Variants in SNTG1 observed in about 807,000 individuals in gnomAD.
The protein encoded by SNTG1 is syntrophin gamma 1, also known as gamma-1-syntrophin.
SNTG1 carries 39 observed loss-of-function variants against 74.7 expected under a neutral mutation model. The observed-to-expected ratio is 0.52, with a 90% CI of 0.40 to 0.68. The LOEUF (loss-of-function observed/expected upper bound fraction) is 0.68. SNTG1 is among the 30% of genes least tolerant of loss of function. The pLI is 0.00. For missense variants in SNTG1, 685 were observed against 609.5 expected, an observed-to-expected ratio of 1.12 and a Z score of -1.30; for synonymous variants, 254 against 217.1, an observed-to-expected ratio of 1.17 and a Z score of -1.49.
At chr8:50,732,178 T>C (rs1032559288) in intron 17 of SNTG1, among the ~76,000 whole-genome samples, 3 of 152,008 alleles carry the variant, frequency 2.0e-5, no homozygotes, top group Admixed American at 2.0e-4. Flanking sequence ...AAAGTACATC[T>C]AGTTGAAATA....
At chr8:49,958,711 G>T (rs141055728) in intron 1 of SNTG1, among the ~76,000 whole-genome samples, 2 of 152,174 alleles carry the variant, frequency 1.3e-5, no homozygotes, top group South Asian at 4.1e-4. Flanking sequence ...GAGCCACTAC[G>T]CCCAGCCAAC....
intron 2 of SNTG1, among the ~76,000 whole-genome samples, chr8:50,384,160 G>C (rs1261438525): frequency 6.6e-6 from 1 of 152,118 alleles, no homozygotes; most frequent in African/African-American, 2.4e-5. Flanking sequence ...CTTTGACTCA[G>C]CCCTGCAAGA....
chr8:50,637,151 A>G (rs1196394208), intron 13 of SNTG1, among the ~76,000 whole-genome samples: 2 of 152,188 alleles, frequency 1.3e-5, no homozygotes, highest in Non-Finnish European at 2.9e-5. Flanking sequence ...GACATGTAGT[A>G]CCTTTGTTTA....
At chr8:50,221,952 C>A (rs2085091675) in intron 2 of SNTG1, among the ~76,000 whole-genome samples, 1 of 152,040 alleles carries the variant, frequency 6.6e-6, no homozygotes, top group African/African-American at 2.4e-5. Context: ...TAGGGTTTTT[C>A]AAAGATAGTT....
Position 50,708,876 on chromosome 8 carries a change from T to C in SNTG1, c.1192-10T>C, listed in dbSNP as rs1035289286. On this transcript the variant is annotated splice_polypyrimidine_tract_variant and intron_variant, in intron 16 of 18. Coordinates refer to ENST00000642720, the MANE Select transcript of SNTG1 (RefSeq NM_018967.5). ...ACATGAAAAGTAACAATACTTTCTG[T>C]TCTACCTAGTGCAAGACCTATGCAT... is the stretch of plus-strand genomic sequence containing the variant. 5 of 1,593,146 alleles carry C rather than the reference T, an allele frequency of 3.1e-6. No homozygotes were observed. Among genetic ancestry groups the C allele is most frequent in the Middle Eastern group, 3.3e-4 (2 of 6,024 alleles).
intron 13 of SNTG1, among the ~76,000 whole-genome samples, chr8:50,641,516 G>A (rs1237793801): frequency 6.6e-6 from 1 of 152,100 alleles, no homozygotes; most frequent in African/African-American, 2.4e-5. Context: ...AACACTTTCT[G>A]TGCTTTCATT....
At chr8:50,016,250 G>A (rs1816302910) in intron 1 of SNTG1, among the ~76,000 whole-genome samples, 1 of 152,058 alleles carries the variant, frequency 6.6e-6, no homozygotes, top group African/African-American at 2.4e-5. Context: ...TTCATCACAT[G>A]TCACAATCTG....
chr8:50,550,693 G>GTGTGTGTGTGTATATATATA (rs1554571332), intron 11 of SNTG1, among the ~76,000 whole-genome samples: 1 of 149,028 alleles, frequency 6.7e-6, no homozygotes, highest in African/African-American at 2.5e-5. Context: ...TAGTGTGTGT[G>GTGTGTGTGTGTATATATATA]TATATATATA....
At chr8:49,951,208 C>T (rs1009950817) in intron 1 of SNTG1, among the ~76,000 whole-genome samples, 6 of 152,034 alleles carry the variant, frequency 3.9e-5, no homozygotes, top group African/African-American at 9.7e-5. Flanking sequence ...TACTCTTATG[C>T]TACGGAAAAT....
chr8:50,304,146 A>G (rs1188048123), intron 2 of SNTG1, among the ~76,000 whole-genome samples: 1 of 152,178 alleles, frequency 6.6e-6, no homozygotes, highest in African/African-American at 2.4e-5. Flanking sequence ...GATTGATGTC[A>G]TTATCATGGG....
Position 50,553,103 on chromosome 8 carries a change from A to T in SNTG1, c.734A>T (p.Gln245Leu). Residue 245 changes from glutamine to leucine, a missense_variant, in exon 12 of 19, where the codon CAG (glutamine) becomes CTG (leucine). Coordinates refer to ENST00000642720, the MANE Select transcript of SNTG1 (RefSeq NM_018967.5). ...GATGGGGTCTGCACTGGGATTATTC[A>T]GTGCCTCTCTGCTGAAGACTGCGTT... ...AVDGVCTGII[Q>L]CLSAEDCVDW... 6.2e-7 allele frequency: 1 copy of T among 1,613,988 alleles called. No homozygotes were observed. Among genetic ancestry groups the T allele is most frequent in the Non-Finnish European group, 8.5e-7 (1 of 1,179,896 alleles).
chr8:50,500,242 T>G (rs1392969370), intron 8 of SNTG1, among the ~76,000 whole-genome samples: 2 of 151,522 alleles, frequency 1.3e-5, no homozygotes, highest in Non-Finnish European at 2.9e-5. Flanking sequence ...TTTTTTTTTT[T>G]GGTCTATATA....
chr8:50,775,057 G>C (rs954648724), intron 18 of SNTG1, among the ~76,000 whole-genome samples: 14 of 150,830 alleles, frequency 9.3e-5, no homozygotes, highest in Admixed American at 6.6e-5. Context: ...AATAAAAACA[G>C]TAATGGAAAA....
At chr8:50,465,928 C>T (rs1301422626) in intron 8 of SNTG1, among the ~76,000 whole-genome samples, 1 of 152,066 alleles carries the variant, frequency 6.6e-6, no homozygotes, top group Non-Finnish European at 1.5e-5. Context: ...TATGTGTGGA[C>T]ATATTTTTAG....
Position 50,400,969 on chromosome 8 carries a change from T to C in SNTG1, c.28-1241T>C, listed in dbSNP as rs75173779. ...GGGTTTTGAATGTTCTCACAACACA[T>C]ATATTATTAGTGTTTAAAGTGATGT... On this transcript the variant is annotated intron_variant, in intron 3 of 18. Transcript: ENST00000642720. 7.9e-3 allele frequency among the ~76,000 whole-genome samples: 1,195 copies of C among 152,226 alleles called. 14 individuals are homozygous for C. The highest frequency in any genetic ancestry group is 0.028 in the African/African-American group (1,152 of 41,516).
At chr8:50,525,542 G>A (rs765755568) in intron 9 of SNTG1, among the ~76,000 whole-genome samples, 1 of 151,796 alleles carries the variant, frequency 6.6e-6, no homozygotes, top group Non-Finnish European at 1.5e-5. Flanking sequence ...AAATCTCTTA[G>A]CATTTCTTCA....
intron 12 of SNTG1, among the ~76,000 whole-genome samples, chr8:50,556,407 C>G (rs190475325): frequency 2.0e-5 from 3 of 152,266 alleles, no homozygotes; most frequent in African/African-American, 7.2e-5. Flanking sequence ...GGTGAGCATT[C>G]ACTCCCAGTG....
chr8:50,556,783 C>T (rs1287574121), intron 12 of SNTG1, among the ~76,000 whole-genome samples: 1 of 152,170 alleles, frequency 6.6e-6, no homozygotes, highest in Admixed American at 6.5e-5. Context: ...TATGGGATCA[C>T]CTTCCATGTG....
intron 18 of SNTG1, among the ~76,000 whole-genome samples, chr8:50,761,140 C>T (rs956680058): frequency 1.9e-4 from 29 of 151,904 alleles, no homozygotes; most frequent in African/African-American, 6.8e-4. Flanking sequence ...ACCGGCAAAC[C>T]GAATCCAGCA....
Sources: gnomAD v4.1 joint callset for allele counts (sites outside exome capture counted in the v4.1 genomes callset) on GRCh38, gnomAD v4.1.1 for gene constraint, MANE v1.5 for transcripts, NCBI Gene and HGNC (gene_info 2026-07-23, HGNC 2026-07-21) for gene names.